CAPS2: variants seen among roughly 807,000 people sequenced by gnomAD.
The protein encoded by CAPS2 is calcyphosin-2.
Under a neutral mutation model 86.5 loss-of-function variants are expected in CAPS2, and 98 were observed. That is an observed-to-expected ratio of 1.13 (90% CI 0.96 to 1.34). The LOEUF (loss-of-function observed/expected upper bound fraction) is 1.34, where lower values mean the gene tolerates loss of function less well. CAPS2 is among the 40% of genes most tolerant of loss of function. The probability of loss-of-function intolerance (pLI) is 0.00; values close to 1 mark genes in which losing one functional copy is unlikely to be tolerated. For synonymous variants in CAPS2, 210 were observed against 225.1 expected (o/e 0.93, Z 0.60); for missense variants, 729 against 686.8 (o/e 1.06, Z -0.69).
In CAPS2 at chr12:75,301,568, A is replaced by G. The variant is rs576938253; in HGVS notation, c.780-1657T>C. On this transcript the variant is annotated intron_variant, in intron 8 of 16. Coordinates refer to ENST00000393284, the Ensembl canonical transcript of CAPS2. ...TTTAATGTGTATTGGTTTATTTAATACTTATAATAACTCTGAGGTGTTATT... is the reference window on the plus strand; with the variant it reads ...TTTAATGTGTATTGGTTTATTTAATGCTTATAATAACTCTGAGGTGTTATT... Among the ~76,000 whole-genome samples, 3 of 152,334 alleles carry G rather than the reference A, an allele frequency of 2.0e-5. No homozygotes were observed. In the East Asian group the frequency reaches 5.8e-4, roughly 29 times the overall value.
chr12:75,381,689 G>A (rs1428519582), intron 1 of CAPS2, among the ~76,000 whole-genome samples: 2 of 136,368 alleles, frequency 1.5e-5, no homozygotes, highest in East Asian at 2.3e-4. Flanking sequence ...ATCTCGGCCC[G>A]CTGCAACCTC....
At chr12:75,375,508 G>A (rs997229795) in intron 1 of CAPS2, among the ~76,000 whole-genome samples, 2 of 152,162 alleles carry the variant, frequency 1.3e-5, no homozygotes, top group Non-Finnish European at 2.9e-5. Context: ...TAGTATAGTG[G>A]GGTCCTTCTT....
At position 75,342,302 on chromosome 12, in the gene CAPS2, G is replaced by A. The variant is rs113703043; in HGVS notation, c.-394-19080C>T. On this transcript the variant is annotated intron_variant, in intron 1 of 5. Coordinates refer to the CAPS2 transcript ENST00000551829. ...GTAAAACTGTTGAAATCTTTAAAAG[G>A]TCTGTAGATAATACCAATGTCAATT... Among the ~76,000 whole-genome samples, 433 of 152,202 alleles carry A rather than the reference G, an allele frequency of 2.8e-3. 3 individuals are homozygous for A. The highest frequency in any genetic ancestry group is 0.01 in the African/African-American group (419 of 41,552).
Position 75,316,440 on chromosome 12 carries a change from C to A in CAPS2, c.469-6G>T. On this transcript the variant is annotated splice_polypyrimidine_tract_variant and splice_region_variant and intron_variant, in intron 5 of 16. Transcript: ENST00000393284. ...GCTTCTTCATCTTGCACACACTATG[C>A]ATGAAAGAAATAAATGAAGCATCAT... The A allele has an allele frequency of 3.3e-6, 5 of 1,530,132 alleles. No homozygotes were observed. The highest frequency in any genetic ancestry group is 4.4e-6 in the Non-Finnish European group (5 of 1,138,386). 94.8% of individuals were successfully genotyped at this position (1,530,132 alleles called of 1,614,324 possible). A position where few individuals can be genotyped will look rare whatever the true frequency, so the allele number is the denominator to read the frequency against.
chr12:75,341,451 T>C (rs1253716548), intron 1 of CAPS2, among the ~76,000 whole-genome samples: 1 of 151,584 alleles, frequency 6.6e-6, no homozygotes, highest in Non-Finnish European at 1.5e-5. Context: ...TTTTTTCTTT[T>C]TCTTTTTTTC....
At chr12:75,325,476 G>A (rs995193896) in intron 1 of CAPS2, 188 bp from the exon 3 acceptor site, 3 of 177,212 alleles carry the variant, frequency 1.7e-5, no homozygotes, top group African/African-American at 7.2e-5. Flanking sequence ...AAGTAAGACA[G>A]ATAATCCCTA....
intron 1 of CAPS2, among the ~76,000 whole-genome samples, chr12:75,386,895 C>T (rs1328935971): frequency 6.6e-6 from 1 of 151,820 alleles, no homozygotes; most frequent in African/African-American, 2.4e-5. Flanking sequence ...AACTTTATAC[C>T]CTTCACAAAA....
chr12:75,325,685 T>G (rs1212955081), intron 1 of CAPS2, among the ~76,000 whole-genome samples: 1 of 151,884 alleles, frequency 6.6e-6, no homozygotes, highest in Non-Finnish European at 1.5e-5. Context: ...TTCTGAAAGA[T>G]GAGGAGGAGT....
chr12:75,302,086 CCAAA>C (rs1378358332), intron 8 of CAPS2, among the ~76,000 whole-genome samples: 1 of 152,116 alleles, frequency 6.6e-6, no homozygotes, highest in Non-Finnish European at 1.5e-5. Flanking sequence ...CTGCTGCCTC[CCAAA>C]CAAAGGGGAG....
intron 8 of CAPS2, among the ~76,000 whole-genome samples, 179 bp downstream of exon 8, chr12:75,304,578 G>A (rs898395944): frequency 3.9e-5 from 6 of 152,040 alleles, no homozygotes; most frequent in African/African-American, 1.4e-4. Flanking sequence ...GTAAAATAAG[G>A]TATTGCCCCT....
At chr12:75,316,217 A>C in intron 6 of CAPS2, 95 bp downstream of exon 6, 1 of 1,437,494 alleles carries the variant, frequency 7.0e-7, no homozygotes, top group Non-Finnish European at 9.3e-7. Context: ...TTCAAATTCA[A>C]CTGTTGCAAT....
At chr12:75,333,069 T>C (rs535524034), upstream of CAPS2, among the ~76,000 whole-genome samples, 11 of 152,328 alleles carry the variant, frequency 7.2e-5, no homozygotes, top group South Asian at 2.3e-3. Context: ...CATGGTCAGA[T>C]TATGTAGTGT....
At chr12:75,317,796 T>G (rs1210486599) in intron 5 of CAPS2, among the ~76,000 whole-genome samples, 1 of 150,512 alleles carries the variant, frequency 6.6e-6, no homozygotes, top group Non-Finnish European at 1.5e-5. Flanking sequence ...TCACCACACA[T>G]AGTTACCATT....
chr12:75,373,207 C>T (rs1315755332), intron 1 of CAPS2, among the ~76,000 whole-genome samples: 2 of 152,134 alleles, frequency 1.3e-5, no homozygotes, highest in Non-Finnish European at 2.9e-5. Flanking sequence ...TTCATCCCTG[C>T]CATGATGGCA....
At chr12:75,289,732 C>A (rs750402070) in exon 14 of CAPS2, 1 of 1,612,776 alleles carries the variant, frequency 6.2e-7, no homozygotes, top group South Asian at 1.1e-5. Context: ...CCAATCCAGT[C>A]AAAATACGAA....
intron 15 of CAPS2, among the ~76,000 whole-genome samples, chr12:75,284,385 C>T (rs2034509420): frequency 6.6e-6 from 1 of 152,054 alleles, no homozygotes; most frequent in Non-Finnish European, 1.5e-5. Context: ...AAAATGGCTA[C>T]CAAAATCCAA....
intron 9 of CAPS2, among the ~76,000 whole-genome samples, chr12:75,299,173 A>G (rs1270639088): frequency 6.6e-6 from 1 of 152,220 alleles, no homozygotes; most frequent in Non-Finnish European, 1.5e-5. Context: ...GAAAAAAATA[A>G]TCTTACACTG....
At chr12:75,285,117 T>G in intron 14 of CAPS2, 37 bp from the exon 15 acceptor site, 2 of 1,592,130 alleles carry the variant, frequency 1.3e-6, no homozygotes, top group East Asian at 4.5e-5. Context: ...CATTTTTAAG[T>G]TACATATCGT....
chr12:75,326,210 A>C (rs1195371949), intron 1 of CAPS2, among the ~76,000 whole-genome samples: 2 of 152,152 alleles, frequency 1.3e-5, no homozygotes, highest in East Asian at 3.8e-4. Flanking sequence ...TAATACAATA[A>C]GTTTAATTTT....
Sources: gnomAD v4.1 joint callset for allele counts (sites outside exome capture counted in the v4.1 genomes callset) on GRCh38, gnomAD v4.1.1 for gene constraint, MANE v1.5 for transcripts, NCBI Gene and HGNC (gene_info 2026-07-23, HGNC 2026-07-21) for gene names.